Variants in CARD10 observed in about 807,000 individuals in gnomAD.
CARD10 encodes caspase recruitment domain-containing protein 10.
CARD10 carries 49 observed loss-of-function variants against 114.6 expected under a neutral mutation model. That is an observed-to-expected ratio of 0.43 (90% CI 0.34 to 0.54). The LOEUF (loss-of-function observed/expected upper bound fraction) is 0.54. Among genes scored for constraint, CARD10 ranks in the 20% least tolerant of loss-of-function variants. The pLI is 0.03. For missense variants in CARD10, 1,206 were observed against 1,397.2 expected, an observed-to-expected ratio of 0.86 and a Z score of 2.18; for synonymous variants, 602 against 593.2, an observed-to-expected ratio of 1.01 and a Z score of -0.21.
rs537590618 is a variant in CARD10 at position 37,518,213 on chromosome 22, T to C, written c.236-105A>G. On this transcript the variant is annotated intron_variant, in intron 1 of 19. Transcript: ENST00000251973. ...CTCCAGGCCCACGTTCCCCAGATTT[T>C]TGAGCCAGTGACACACACAGGGGCC... The C allele has an allele frequency of 1.0e-5, 12 of 1,157,912 alleles. 1 individual carries two copies. The East Asian group carries it at 2.9e-4, about 28-fold the overall frequency. The allele number at this position is 1,157,912 out of a possible 1,614,324, so 71.7% of individuals were successfully genotyped here. A position where few individuals can be genotyped will look rare whatever the true frequency, so the allele number is the denominator to read the frequency against.
chr22:37,518,194 G>T, intron 1 of CARD10, 86 bp from the exon 2 acceptor site: 2 of 1,382,976 alleles, frequency 1.4e-6, no homozygotes, highest in Non-Finnish European at 1.0e-6. Context: ...CATGCTCCAG[G>T]CCCACGTTCC....
At chr22:37,518,923 A>T in intron 1 of CARD10, 43 bp downstream of exon 1, 1 of 1,482,604 alleles carries the variant, frequency 6.7e-7, no homozygotes, top group South Asian at 1.3e-5. Context: ...GCCCCAGGGC[A>T]CGGCCGGCCC....
Position 37,497,145 on chromosome 22 carries a change from G to T in CARD10, c.1821C>A (p.Pro607=). Residue 607 remains proline (P), a synonymous_variant, in exon 12 of 20, where the codon CCC becomes CCA. Transcript: ENST00000251973. ...SLAIRVSGRS[P]PGGPEPQDKG... is the part of the protein sequence containing the mutation. ...TGTCCTGCGGCTCTGGGCCCCCTGGGGGGCTCCGGCCAGACACCCGAATAG... is the reference window on the plus strand; with the variant it reads ...TGTCCTGCGGCTCTGGGCCCCCTGGTGGGCTCCGGCCAGACACCCGAATAG... The T allele has an allele frequency of 6.2e-7, 1 of 1,614,110 alleles. No individual in the cohort carries two copies. Among genetic ancestry groups the T allele is most frequent in the South Asian group, 1.1e-5 (1 of 91,084 alleles).
chr22:37,507,134 C>A (rs1016501353), intron 6 of CARD10, among the ~76,000 whole-genome samples: 3 of 152,114 alleles, frequency 2.0e-5, no homozygotes, highest in African/African-American at 7.2e-5. Flanking sequence ...CAAAAATTAG[C>A]CAGGAATGGT....
intron 1 of CARD10, among the ~76,000 whole-genome samples, chr22:37,518,650 G>A (rs1403295825): frequency 1.3e-5 from 2 of 152,218 alleles, no homozygotes; most frequent in Non-Finnish European, 2.9e-5. Context: ...AAGTCCACCG[G>A]CTGTGACCGG....
intron 6 of CARD10, 30 bp downstream of exon 6, chr22:37,507,799 C>T (rs979582961): frequency 6.2e-7 from 1 of 1,613,752 alleles, no homozygotes; most frequent in Admixed American, 1.7e-5. Context: ...GCAACTGGCC[C>T]AGGGCCTCGT....
chr22:37,508,048 A>C, intron 5 of CARD10, 94 bp from the exon 6 acceptor site: 1 of 1,483,148 alleles, frequency 6.7e-7, no homozygotes, highest in South Asian at 1.2e-5. Flanking sequence ...AGAGACGCTC[A>C]CCAACAGTCT....
Position 37,496,837 on chromosome 22 carries a change from G to C in CARD10, c.1947+182C>G, listed in dbSNP as rs1051417259. On this transcript the variant is annotated intron_variant, in intron 12 of 19. Coordinates refer to ENST00000251973, the MANE Select transcript of CARD10 (RefSeq NM_014550.4). The surrounding 1 kb of genome is among the most constrained non-coding windows in gnomAD (Gnocchi z 4.1). ...CAGTTGGCTCCACCTCCCAGTCCCT[G>C]CCCAATCAGACTTCAATTAAGCCTG... The C allele has an allele frequency of 6.6e-6, 5 of 761,686 alleles. No homozygotes were observed. The Admixed American group carries it at 1.3e-4, about 19-fold the overall frequency. The allele number at this position is 761,686 out of a possible 1,614,324, so 47.2% of individuals were successfully genotyped here.
At chr22:37,494,413 C>T in intron 15 of CARD10, 1 of 575,772 alleles carries the variant, frequency 1.7e-6, no homozygotes. Flanking sequence ...CCCTGTGGCC[C>T]CCGGGAAGCC....
chr22:37,494,272 G>T, intron 15 of CARD10, 84 bp from the exon 16 acceptor site: 1 of 918,014 alleles, frequency 1.1e-6, no homozygotes, highest in Non-Finnish European at 1.7e-6. Context: ...CCCTGGCACA[G>T]CGGGCCCCAC....
rs1268468560 is a variant in CARD10, at chr22:37,501,001, T to C, written c.1787+1601A>G. 1.3e-5 allele frequency among the ~76,000 whole-genome samples: 2 copies of C among 152,206 alleles called. No homozygotes were observed. Among genetic ancestry groups the C allele is most frequent in the South Asian group, 4.1e-4 (2 of 4,824 alleles). On this transcript the variant is annotated intron_variant, in intron 11 of 19. Transcript: ENST00000251973. This position sits in a 1 kb window ranked among gnomAD's most constrained non-coding sequence, Gnocchi z 5.4. ...CAGAGACATGCCCAAGGTCCCACAG[T>C]AGCAAGTGCTGACACCAAAGCCAGC...
intron 2 of CARD10, 122 bp from the exon 3 acceptor site, chr22:37,516,420 T>C (rs1171796346): frequency 1.3e-5 from 9 of 705,574 alleles, no homozygotes; most frequent in Non-Finnish European, 1.3e-5. Flanking sequence ...AATATATTTG[T>C]AGAATTGGGA....
chr22:37,518,252 C>A (rs1923907683), intron 1 of CARD10, 144 bp from the exon 2 acceptor site: 1 of 732,648 alleles, frequency 1.4e-6, no homozygotes, highest in African/African-American at 1.8e-5. Context: ...CCCAACACAT[C>A]AGGGAAGAGA....
chr22:37,511,391 A>G (rs1291516382), intron 3 of CARD10, among the ~76,000 whole-genome samples: 7 of 110,306 alleles, frequency 6.3e-5, no homozygotes, highest in African/African-American at 1.1e-4. Context: ...GAAGAAGGAG[A>G]AGGGGGTGAG....
Position 37,504,748 on chromosome 22 carries a change from G to A in CARD10, c.1405C>T (p.Leu469=). The change falls in exon 8 of 20, where the codon CTG becomes TTG. Residue 469 remains leucine, a synonymous_variant. Transcript: ENST00000251973. ...CLKACASSHS[L]CSNLSSTWSL... is the part of the protein sequence containing the mutation. ...CAAGTGCTGCTGAGGTTGGAGCACA[G>A]GGAATGGGAGGAGGCACAGGCCTGG... 6.4e-7 allele frequency: 1 copy of A among 1,560,322 alleles called. No individual in the cohort carries two copies. The highest frequency in any genetic ancestry group is 8.7e-7 in the Non-Finnish European group (1 of 1,155,158).
intron 11 of CARD10, among the ~76,000 whole-genome samples, chr22:37,500,985 G>T (rs1601811565): frequency 6.6e-6 from 1 of 152,080 alleles, no homozygotes; most frequent in African/African-American, 2.4e-5. Flanking sequence ...TCAGAGACAT[G>T]CCCAAGGTCC....
intron 3 of CARD10, chr22:37,511,802 C>T (rs946879144): frequency 6.6e-6 from 1 of 152,216 alleles, no homozygotes; most frequent in Non-Finnish European, 1.5e-5. Context: ...GAATTCCTAA[C>T]AAAGCCTCCA....
intron 2 of CARD10, among the ~76,000 whole-genome samples, chr22:37,517,167 T>C (rs1377387404): frequency 6.6e-6 from 1 of 152,158 alleles, no homozygotes; most frequent in Non-Finnish European, 1.5e-5. Flanking sequence ...TAGGTATCCA[T>C]CAACTGGAAA....
rs1263701751 is a variant in CARD10, at chr22:37,500,222, A to G, written c.1787+2380T>C. ...TGAGGCACAGGAAAGTTAACTTGCC[A>G]AGAATGGGCACAGCTAGTGGGCCGT... On this transcript the variant is annotated intron_variant, in intron 11 of 19. Coordinates refer to ENST00000251973, the MANE Select transcript of CARD10 (RefSeq NM_014550.4). Among the ~76,000 whole-genome samples, 3 of 152,218 alleles carry G rather than the reference A, an allele frequency of 2.0e-5. 1 individual carries two copies. Among genetic ancestry groups the G allele is most frequent in the Non-Finnish European group, 4.4e-5 (3 of 68,026 alleles).
Sources: allele counts gnomAD v4.1 joint callset (sites outside exome capture counted in the v4.1 genomes callset), GRCh38; gene constraint gnomAD v4.1.1; non-coding constraint Gnocchi (gnomAD v3.1); transcripts MANE v1.5; gene names NCBI Gene and HGNC (gene_info 2026-07-23, HGNC 2026-07-21).